The following CAT variants were observed in gnomAD, a reference collection of about 807,000 sequenced individuals.
The protein encoded by CAT is epididymis secretory sperm binding protein.
CAT carries 43 observed loss-of-function variants against 59.0 expected under a neutral mutation model. The observed-to-expected ratio is 0.73, with a 90% CI of 0.57 to 0.94. The LOEUF (loss-of-function observed/expected upper bound fraction) is 0.94, where lower values mean the gene tolerates loss of function less well. CAT is among the 40% of genes least tolerant of loss of function. The probability of loss-of-function intolerance (pLI) is 0.00; values close to 1 mark genes in which losing one functional copy is unlikely to be tolerated. For synonymous variants in CAT, 218 were observed against 230.9 expected (o/e 0.94, Z 0.51); for missense variants, 664 against 682.9 (o/e 0.97, Z 0.31).
Position 34,456,800 on chromosome 11 carries a change from C to T in CAT, c.1039C>T (p.Pro347Ser), listed in dbSNP as rs551303235. 1.2e-6 allele frequency: 2 copies of T among 1,614,184 alleles called. No individual in the cohort carries two copies. Among genetic ancestry groups the T allele is most frequent in the African/African-American group, 1.3e-5 (1 of 75,054 alleles). ...SNMPPGIEAS[P>S]DKMLQGRLFA... ...CATGCCACCTGGCATTGAGGCCAGT[C>T]CTGACAAAATGCTTCAGGTGAGCCT... Residue 347 changes from proline to serine, a missense_variant, in exon 8 of 13, where the codon CCT becomes TCT. Coordinates refer to ENST00000241052, the MANE Select transcript of CAT (RefSeq NM_001752.4).
In CAT at chr11:34,471,351, T is replaced by A. The variant is rs752005826; in HGVS notation, c.1519-17T>A. On this transcript the variant is annotated splice_polypyrimidine_tract_variant and intron_variant, in intron 12 of 12. Transcript: ENST00000241052. ...CCATGAGGTGATTAACCTGCTCATC[T>A]TGTTCTTTTAAAACAGAATGCGATT... is the stretch of plus-strand genomic sequence containing the variant. 5 of 1,611,230 alleles carry A rather than the reference T, an allele frequency of 3.1e-6. 1 individual carries two copies. Among genetic ancestry groups the A allele is most frequent in the Non-Finnish European group, 4.2e-6 (5 of 1,177,306 alleles).
rs750042159 is a variant in CAT, at chr11:34,449,314, T to G, written c.189T>G (p.His63Gln). 1 of 1,614,180 alleles carries G rather than the reference T, an allele frequency of 6.2e-7. No individual in the cohort carries two copies. The highest frequency in any genetic ancestry group is 8.5e-7 in the Non-Finnish European group (1 of 1,180,014). Reference protein sequence around the residue: ...QDVVFTDEMAHFDRERIPERV... With the variant: ...QDVVFTDEMAQFDRERIPERV... ...TGGTTTTCACTGATGAAATGGCTCATTTTGACCGAGAGAGAATTCCTGAGA... is the reference window on the plus strand; with the variant it reads ...TGGTTTTCACTGATGAAATGGCTCAGTTTGACCGAGAGAGAATTCCTGAGA... The change falls in exon 2 of 13, where the codon CAT (histidine) becomes CAG (glutamine). Residue 63 changes from histidine (H) to glutamine (Q), a missense_variant. Physicochemically the swap from His to Gln is conservative, Grantham distance 24. Coordinates refer to ENST00000241052, the MANE Select transcript of CAT (RefSeq NM_001752.4).
intron 8 of CAT, among the ~76,000 whole-genome samples, chr11:34,460,446 CTTTTTTTTTTTT>C (rs149180752): frequency 2.4e-5 from 2 of 84,534 alleles, no homozygotes; most frequent in South Asian, 3.6e-4. Context: ...GTGGGCGGTA[CTTTTTTTTTTTT>C]TTTTTTTTTT....
Position 34,456,075 on chromosome 11 carries a change from A to C in CAT, c.776A>C (p.Asp259Ala). 1 of 1,614,116 alleles carries C rather than the reference A, an allele frequency of 6.2e-7. No individual in the cohort carries two copies. The highest frequency in any genetic ancestry group is 2.2e-5 in the East Asian group (1 of 44,868). The change falls in exon 7 of 13, where the codon GAC (aspartate) becomes GCC (alanine). Residue 259 changes from aspartate (D) to alanine (A), a missense_variant. Physicochemically the swap from Asp to Ala is moderately radical, Grantham distance 126 (BLOSUM62 -2). Transcript: ENST00000241052. ...DAARLSQEDP[D>A]YGIRDLFNAI... ...GCGAGACTTTCCCAGGAAGATCCTG[A>C]CTATGGCATCCGGGATCTTTTTAAC...
At chr11:34,450,521 G>A (rs999941743) in intron 2 of CAT, among the ~76,000 whole-genome samples, 2 of 152,084 alleles carry the variant, frequency 1.3e-5, no homozygotes, top group African/African-American at 4.8e-5. Flanking sequence ...CCTGGATAAG[G>A]TTTCTCCCCA....
At chr11:34,462,638 G>C (rs1856664064) in intron 9 of CAT, among the ~76,000 whole-genome samples, 1 of 152,128 alleles carries the variant, frequency 6.6e-6, no homozygotes, top group Non-Finnish European at 1.5e-5. Context: ...GGCTGGTCCT[G>C]AACTCTTGAC....
intron 11 of CAT, among the ~76,000 whole-genome samples, chr11:34,469,273 G>C (rs913654590): frequency 6.6e-6 from 1 of 152,214 alleles, no homozygotes; most frequent in African/African-American, 2.4e-5. Flanking sequence ...TATCAGCAGA[G>C]AGCTTGACAG....
At position 34,449,288 on chromosome 11, in the gene CAT, G is replaced by A. The variant is rs1241072972; in HGVS notation, c.163G>A (p.Val55Met). 3 of 1,614,016 alleles carry A rather than the reference G, an allele frequency of 1.9e-6. No individual in the cohort carries two copies. Among genetic ancestry groups the A allele is most frequent in the Admixed American group, 3.3e-5 (2 of 60,014 alleles). Residue 55 changes from valine to methionine, a missense_variant, in exon 2 of 13, where the codon GTG becomes ATG. Physicochemically the swap from Val to Met is conservative, Grantham distance 21. Transcript: ENST00000241052. ...CCGTGGGCCCCTTCTTGTTCAGGAT[G>A]TGGTTTTCACTGATGAAATGGCTCA... ...GPRGPLLVQD[V>M]VFTDEMAHFD...
chr11:34,453,043 C>A, intron 4 of CAT, 47 bp from the exon 5 acceptor site: 1 of 1,095,648 alleles, frequency 9.1e-7, no homozygotes, highest in Non-Finnish European at 1.4e-6. Context: ...CACCATAATT[C>A]CTGTAAACTT....
intron 1 of CAT, among the ~76,000 whole-genome samples, chr11:34,439,287 G>A (rs1856357279): frequency 6.6e-6 from 1 of 152,204 alleles, no homozygotes; most frequent in African/African-American, 2.4e-5. Context: ...GGGACTGCAG[G>A]CTTTGTTGTC....
At chr11:34,444,624 C>T (rs1202748990) in intron 1 of CAT, among the ~76,000 whole-genome samples, 2 of 152,146 alleles carry the variant, frequency 1.3e-5, no homozygotes, top group South Asian at 2.1e-4. Flanking sequence ...CATTATGACT[C>T]CTCTGGGACT....
chr11:34,444,734 T>G, intron 1 of CAT, among the ~76,000 whole-genome samples: 1 of 152,200 alleles, frequency 6.6e-6, no homozygotes, highest in Admixed American at 6.5e-5. Flanking sequence ...AAGTGGAAAG[T>G]GTAATATGTT....
intron 10 of CAT, among the ~76,000 whole-genome samples, 161 bp downstream of exon 10, chr11:34,464,396 G>A (rs935949685): frequency 1.2e-4 from 18 of 152,162 alleles, no homozygotes; most frequent in African/African-American, 4.1e-4. Context: ...CTTACTGGGT[G>A]GAGTTGAAGG....
At chr11:34,439,762 C>A (rs1381418160) in intron 1 of CAT, among the ~76,000 whole-genome samples, 1 of 152,110 alleles carries the variant, frequency 6.6e-6, no homozygotes, top group Non-Finnish European at 1.5e-5. Flanking sequence ...TCCAGTGCGG[C>A]AAGAACAACA....
intron 11 of CAT, among the ~76,000 whole-genome samples, chr11:34,468,716 G>C (rs1046642415): frequency 5.3e-5 from 8 of 152,150 alleles, no homozygotes; most frequent in African/African-American, 1.9e-4. Flanking sequence ...ATATCAAAAT[G>C]TGAGTCCTGC....
intron 8 of CAT, among the ~76,000 whole-genome samples, chr11:34,459,469 TAGAG>T (rs1249391700): frequency 6.6e-6 from 1 of 152,234 alleles, no homozygotes; most frequent in African/African-American, 2.4e-5. Context: ...ATACAAGTCA[TAGAG>T]AGACTGTCCT....
intron 8 of CAT, among the ~76,000 whole-genome samples, chr11:34,459,575 G>A (rs917998882): frequency 6.6e-6 from 1 of 152,106 alleles, no homozygotes; most frequent in Non-Finnish European, 1.5e-5. Context: ...CCGGTTGCTT[G>A]GGTGGGAAAG....
At chr11:34,465,686 G>A (rs1856706854) in intron 10 of CAT, among the ~76,000 whole-genome samples, 1 of 152,180 alleles carries the variant, frequency 6.6e-6, no homozygotes, top group African/African-American at 2.4e-5. Flanking sequence ...GCATAATTCT[G>A]TGATGATGTA....
chr11:34,440,771 C>T (rs1856379882), intron 1 of CAT, among the ~76,000 whole-genome samples: 1 of 152,028 alleles, frequency 6.6e-6, no homozygotes, highest in Non-Finnish European at 1.5e-5. Context: ...CCATGTTGGC[C>T]AGGCTGGACT....
Sources: allele counts gnomAD v4.1 joint callset (sites outside exome capture counted in the v4.1 genomes callset), GRCh38; gene constraint gnomAD v4.1.1; transcripts MANE v1.5; gene names NCBI Gene and HGNC (gene_info 2026-07-23, HGNC 2026-07-21).